The following ABTB3 variants were observed in gnomAD, a reference collection of about 807,000 sequenced individuals.
The protein encoded by ABTB3 is ankyrin repeat- and BTB/POZ domain-containing protein 3.
At chr12:107,392,038 C>T in the ABTB3 span, among the ~76,000 whole-genome samples, 9 of 152,174 alleles carry the variant, frequency 5.9e-5, no homozygotes, top group Non-Finnish European at 1.2e-4. Context: ...CTCTGAGCAC[C>T]GGTTTTCTCA....
At chr12:107,388,333 C>T in the ABTB3 span, among the ~76,000 whole-genome samples, 1 of 151,388 alleles carries the variant, frequency 6.6e-6, no homozygotes. Context: ...CCTTCCTTCT[C>T]CTCCCTTTCT....
At chr12:107,403,879 A>G in the ABTB3 span, among the ~76,000 whole-genome samples, 1 of 152,034 alleles carries the variant, frequency 6.6e-6, no homozygotes, top group Admixed American at 6.6e-5. Context: ...TAAACAGCAT[A>G]TGGCCGGGCG....
chr12:107,582,468 C>G, the ABTB3 span, among the ~76,000 whole-genome samples: 1 of 152,172 alleles, frequency 6.6e-6, no homozygotes, highest in African/African-American at 2.4e-5. Context: ...GCTTTCCTGT[C>G]TTCAGATTTT....
chr12:107,584,789 C>T, the ABTB3 span, among the ~76,000 whole-genome samples: 1 of 152,196 alleles, frequency 6.6e-6, no homozygotes, highest in Non-Finnish European at 1.5e-5. Flanking sequence ...TGATCAAAAG[C>T]TGCCAGAGCT....
chr12:107,344,071 G>A, the ABTB3 span, among the ~76,000 whole-genome samples: 1 of 152,154 alleles, frequency 6.6e-6, no homozygotes, highest in Non-Finnish European at 1.5e-5. Flanking sequence ...TTAACACATG[G>A]ATTCCAGTCT....
chr12:107,328,893 T>A, the ABTB3 span, among the ~76,000 whole-genome samples: 2 of 152,126 alleles, frequency 1.3e-5, no homozygotes, highest in Non-Finnish European at 2.9e-5. Context: ...GTGGTGGTTA[T>A]GGTTGATGAT....
chr12:107,492,335 C>T, the ABTB3 span, among the ~76,000 whole-genome samples: 3 of 152,160 alleles, frequency 2.0e-5, no homozygotes, highest in Admixed American at 1.3e-4. Context: ...GGTGATGCTG[C>T]TCCCCAGGCG....
the ABTB3 span, among the ~76,000 whole-genome samples, chr12:107,368,180 T>C: frequency 6.6e-6 from 1 of 152,216 alleles, no homozygotes; most frequent in Non-Finnish European, 1.5e-5. Context: ...ATCCCGTTAA[T>C]AAGAGTTTTG....
chr12:107,621,002 G>A, the ABTB3 span, among the ~76,000 whole-genome samples: 1 of 152,128 alleles, frequency 6.6e-6, no homozygotes, highest in Non-Finnish European at 1.5e-5. Context: ...GAACCAAAGG[G>A]CAGTGTGGGT....
At chr12:107,499,742 G>C in the ABTB3 span, among the ~76,000 whole-genome samples, 1 of 151,218 alleles carries the variant, frequency 6.6e-6, no homozygotes, top group Admixed American at 6.6e-5. Context: ...CTGGAGTGCA[G>C]TGGCATGATC....
chr12:107,520,153 C>G, the ABTB3 span: 1 of 895,594 alleles, frequency 1.1e-6, no homozygotes, highest in Non-Finnish European at 1.3e-6. Flanking sequence ...GTGACCTGAC[C>G]ACCAGAGTCA....
chr12:107,640,178 G>T, the ABTB3 span: 2 of 560,684 alleles, frequency 3.6e-6, no homozygotes, highest in Non-Finnish European at 6.3e-6. Context: ...CTGCTGTTTG[G>T]TTGCTGTCTT....
At chr12:107,430,519 A>G in the ABTB3 span, among the ~76,000 whole-genome samples, 1 of 152,190 alleles carries the variant, frequency 6.6e-6, no homozygotes, top group Non-Finnish European at 1.5e-5. Context: ...GACTATCACC[A>G]CACCTACATA....
chr12:107,372,964 A>G, the ABTB3 span, among the ~76,000 whole-genome samples: 2 of 152,150 alleles, frequency 1.3e-5, no homozygotes, highest in African/African-American at 4.8e-5. Context: ...GGCCTAGACA[A>G]TTCTTTCTTG....
At chr12:107,579,215 T>C in the ABTB3 span, among the ~76,000 whole-genome samples, 1 of 152,212 alleles carries the variant, frequency 6.6e-6, no homozygotes, top group African/African-American at 2.4e-5. Context: ...CTCAGCTGCA[T>C]GAACAGGAAT....
the ABTB3 span, among the ~76,000 whole-genome samples, chr12:107,520,984 A>G: frequency 9.2e-5 from 14 of 152,236 alleles, no homozygotes; most frequent in Non-Finnish European, 1.8e-4. Context: ...GTCTACCTAA[A>G]TAACAAACAG....
chr12:107,580,392 T>C, the ABTB3 span, among the ~76,000 whole-genome samples: 1 of 152,248 alleles, frequency 6.6e-6, no homozygotes, highest in Non-Finnish European at 1.5e-5. Context: ...CCTTCAGTTG[T>C]AGGCATTGTC....
chr12:107,373,874 G>A, the ABTB3 span, among the ~76,000 whole-genome samples: 2 of 152,198 alleles, frequency 1.3e-5, no homozygotes, highest in Admixed American at 1.3e-4. Context: ...ACTTGTGGGG[G>A]AACTGAATGC....
the ABTB3 span, among the ~76,000 whole-genome samples, chr12:107,459,477 A>G: frequency 1.3e-5 from 2 of 152,144 alleles, no homozygotes; most frequent in Non-Finnish European, 2.9e-5. Context: ...ATTCAAACCT[A>G]TAGGAGGTTA....
Sources: gnomAD v4.1 joint callset for allele counts (sites outside exome capture counted in the v4.1 genomes callset) on GRCh38, gnomAD v4.1.1 for gene constraint, MANE v1.5 for transcripts, NCBI Gene and HGNC (gene_info 2026-07-23, HGNC 2026-07-21) for gene names.